LRIF1: variants seen among roughly 807,000 people sequenced by gnomAD.
LRIF1 encodes the protein ligand-dependent nuclear receptor-interacting factor 1.
A neutral mutation model predicts 52.7 loss-of-function variants in LRIF1; 32 were observed. The observed-to-expected ratio is 0.61, with a 90% CI of 0.46 to 0.82. The LOEUF is 0.82. Ranked by LOEUF, LRIF1 falls within the 40% of genes least tolerant of loss-of-function variation. The probability of loss-of-function intolerance (pLI) is 0.00; values close to 1 mark genes in which losing one functional copy is unlikely to be tolerated. For synonymous variants in LRIF1, 323 were observed against 317.4 expected, an observed-to-expected ratio of 1.02 and a Z score of -0.19; for missense variants, 887 against 892.0, an observed-to-expected ratio of 0.99 and a Z score of 0.07.
the LRIF1 span, chr1:110,899,206 T>A: frequency 6.2e-7 from 1 of 1,603,152 alleles, no homozygotes; most frequent in South Asian, 1.1e-5. Flanking sequence ...TCTGCAGTAG[T>A]CCTGTGGTGA....
the LRIF1 span, among the ~76,000 whole-genome samples, chr1:110,888,605 C>A: frequency 2.0e-5 from 3 of 151,834 alleles, no homozygotes; most frequent in South Asian, 4.2e-4. Flanking sequence ...GGCACATTTC[C>A]CAAATATATG....
the LRIF1 span, among the ~76,000 whole-genome samples, chr1:110,931,533 A>G: frequency 4.6e-5 from 7 of 152,180 alleles, no homozygotes; most frequent in African/African-American, 1.7e-4. Context: ...TGGTATTTCT[A>G]GTTCTAGATC....
the LRIF1 span, among the ~76,000 whole-genome samples, chr1:110,894,095 T>G: frequency 6.6e-6 from 1 of 152,224 alleles, no homozygotes; most frequent in African/African-American, 2.4e-5. Flanking sequence ...AGTGCTCTGA[T>G]AGGCACAGCA....
chr1:110,907,381 C>T, the LRIF1 span, among the ~76,000 whole-genome samples: 4 of 152,290 alleles, frequency 2.6e-5, no homozygotes, highest in African/African-American at 9.6e-5. Context: ...AGATAACTTA[C>T]TGTCAGTCTC....
the LRIF1 span, among the ~76,000 whole-genome samples, chr1:110,898,943 C>T: frequency 2.6e-5 from 4 of 152,178 alleles, no homozygotes; most frequent in Non-Finnish European, 5.9e-5. Flanking sequence ...GACCCCGTTT[C>T]TCTCCTCACT....
chr1:110,948,222 T>C lies in LRIF1; in HGVS notation c.2047A>G (p.Ser683Gly). 1.2e-6 allele frequency: 2 copies of C among 1,614,168 alleles called. No individual in the cohort carries two copies. The highest frequency in any genetic ancestry group is 1.7e-6 in the Non-Finnish European group (2 of 1,180,014). ...SDVSQHNILT[S>G]HSKTRQEKRT... ...TTTTCTTGTCTGGTTTTGCTGTGAC[T>C]CGTGAGAATGTTATGTTGTGACACA... Residue 683 changes from serine (S) to glycine (G), a missense_variant, in exon 4 of 4, where the codon AGT becomes GGT. Physicochemically the swap from Ser to Gly is moderately conservative, Grantham distance 56. Transcript: ENST00000369763.
At chr1:110,915,474 C>T in the LRIF1 span, among the ~76,000 whole-genome samples, 1 of 144,952 alleles carries the variant, frequency 6.9e-6, no homozygotes, top group African/African-American at 2.8e-5. Flanking sequence ...GGCGACAGAG[C>T]GAGACTCCGT....
downstream of LRIF1, among the ~76,000 whole-genome samples, chr1:110,946,250 T>C (rs929463367): frequency 1.3e-5 from 2 of 152,190 alleles, no homozygotes; most frequent in African/African-American, 4.8e-5. Context: ...AAACATATTG[T>C]ATGATTCCAT....
At chr1:110,908,241 A>C in the LRIF1 span, among the ~76,000 whole-genome samples, 5 of 152,350 alleles carry the variant, frequency 3.3e-5, no homozygotes, top group Non-Finnish European at 7.3e-5. Flanking sequence ...AGAATATAAA[A>C]GCAAAAAGCC....
At chr1:110,958,356 T>A (rs1332990262) in intron 1 of LRIF1, among the ~76,000 whole-genome samples, 1 of 152,270 alleles carries the variant, frequency 6.6e-6, no homozygotes, top group Non-Finnish European at 1.5e-5. Flanking sequence ...CCAGCTTAAT[T>A]TCTTCCAACT....
the LRIF1 span, among the ~76,000 whole-genome samples, chr1:110,876,266 T>C: frequency 5.3e-5 from 8 of 152,330 alleles, no homozygotes; most frequent in Non-Finnish European, 1.0e-4. Flanking sequence ...CTTCTGATTC[T>C]CTATGGCATG....
chr1:110,894,613 C>T, the LRIF1 span, among the ~76,000 whole-genome samples: 3 of 152,146 alleles, frequency 2.0e-5, no homozygotes, highest in African/African-American at 7.2e-5. Context: ...CTGGAAAGAG[C>T]AGTAAAACAA....
At chr1:110,906,670 T>A in the LRIF1 span, among the ~76,000 whole-genome samples, 1 of 152,148 alleles carries the variant, frequency 6.6e-6, no homozygotes, top group East Asian at 1.9e-4. Context: ...GAGAGCTATA[T>A]CCTGAAGATG....
chr1:110,945,507 C>T (rs1466332575), downstream of LRIF1, among the ~76,000 whole-genome samples: 2 of 150,234 alleles, frequency 1.3e-5, no homozygotes, highest in Non-Finnish European at 3.0e-5. Flanking sequence ...CTCACTGCAA[C>T]CTCCACCTCC....
chr1:110,923,102 C>A, the LRIF1 span, among the ~76,000 whole-genome samples: 1 of 152,160 alleles, frequency 6.6e-6, no homozygotes, highest in South Asian at 2.1e-4. Context: ...TTCAGGAATT[C>A]CAGACCAGCT....
At position 110,950,093 on chromosome 1, in the gene LRIF1, T is replaced by TA; in HGVS notation, c.1626dup (p.Lys543Ter). 1 of 1,613,416 alleles carries TA rather than the reference T, an allele frequency of 6.2e-7. No homozygotes were observed. Among genetic ancestry groups the TA allele is most frequent in the Non-Finnish European group, 8.5e-7 (1 of 1,179,732 alleles). ...TTGTCATTTCTTCCTTGGGCACCTT[T>TA]ATCTGATGTTGATGCCATCTCATTA... On this transcript the variant is annotated frameshift_variant, in exon 3 of 4. Transcript: ENST00000369763. LOFTEE classifies it high-confidence loss of function.
chr1:110,902,735 T>C, the LRIF1 span, among the ~76,000 whole-genome samples: 1 of 152,088 alleles, frequency 6.6e-6, no homozygotes, highest in African/African-American at 2.4e-5. Flanking sequence ...AGCGAGATGG[T>C]GGAATAGAAT....
At chr1:110,917,351 G>A in the LRIF1 span, among the ~76,000 whole-genome samples, 1 of 152,108 alleles carries the variant, frequency 6.6e-6, no homozygotes, top group Non-Finnish European at 1.5e-5. Context: ...CATCAGACAG[G>A]AAGACAATGT....
the LRIF1 span, among the ~76,000 whole-genome samples, chr1:110,904,615 A>G: frequency 6.6e-6 from 1 of 152,382 alleles, no homozygotes; most frequent in Admixed American, 6.5e-5. Context: ...GATACAGCTT[A>G]GATTACAACA....
Sources: gnomAD v4.1 joint callset for allele counts (sites outside exome capture counted in the v4.1 genomes callset) on GRCh38, gnomAD v4.1.1 for gene constraint, MANE v1.5 for transcripts, NCBI Gene and HGNC (gene_info 2026-07-23, HGNC 2026-07-21) for gene names.